The following ANKS1B variants were observed in gnomAD, a reference collection of about 807,000 sequenced individuals.
The protein encoded by ANKS1B is ankyrin repeat and sterile alpha motif domain-containing protein 1B.
Under a neutral mutation model 148.3 loss-of-function variants are expected in ANKS1B, and 36 were observed. That is an observed-to-expected ratio of 0.24 (90% CI 0.19 to 0.32). The LOEUF is 0.32. Ranked by LOEUF, ANKS1B falls within the 10% of genes least tolerant of loss-of-function variation. The pLI, the probability that ANKS1B is intolerant of heterozygous loss-of-function variation, is 1.00. For synonymous variants in ANKS1B, 542 were observed against 560.8 expected (o/e 0.97, Z 0.47); for missense variants, 1,157 against 1,542.6 (o/e 0.75, Z 4.19).
chr12:99,415,450 G>T (rs1314711547), intron 11 of ANKS1B, among the ~76,000 whole-genome samples: 1 of 152,096 alleles, frequency 6.6e-6, no homozygotes, highest in East Asian at 1.9e-4. Context: ...CTGTGTGGGT[G>T]AAAGAAAGAC....
intron 1 of ANKS1B, among the ~76,000 whole-genome samples, chr12:99,873,484 T>C (rs1389415110): frequency 6.6e-6 from 1 of 152,306 alleles, no homozygotes; most frequent in East Asian, 1.9e-4. Context: ...CTTTGTTTAC[T>C]GCTTAAAGAC....
At chr12:99,434,192 C>T (rs112132655) in intron 11 of ANKS1B, among the ~76,000 whole-genome samples, 460 of 152,148 alleles carry the variant, frequency 3.0e-3, no homozygotes, top group Middle Eastern at 0.01. Context: ...ATTGACTGCA[C>T]CCTGTGCTGT....
At chr12:99,399,089 C>T (rs548616064) in intron 12 of ANKS1B, among the ~76,000 whole-genome samples, 1 of 152,190 alleles carries the variant, frequency 6.6e-6, no homozygotes, top group Admixed American at 6.6e-5. Context: ...ATAAAGAAAG[C>T]TTTGCAAATC....
At chr12:99,950,798 T>C (rs2095200621) in intron 1 of ANKS1B, among the ~76,000 whole-genome samples, 1 of 152,148 alleles carries the variant, frequency 6.6e-6, no homozygotes, top group African/African-American at 2.4e-5. Context: ...TAGTGAACAG[T>C]TGCTTTTCTG....
intron 1 of ANKS1B, among the ~76,000 whole-genome samples, chr12:99,897,468 G>C (rs1021683846): frequency 6.6e-6 from 1 of 151,146 alleles, no homozygotes. Context: ...TACCTAATCA[G>C]CCTAATTACT....
chr12:99,244,513 T>C (rs943210613), intron 13 of ANKS1B, 99 bp from the exon 14 acceptor site: 8 of 706,870 alleles, frequency 1.1e-5, no homozygotes, highest in Non-Finnish European at 1.8e-5. Context: ...ATTTTTGATG[T>C]TATTACCACA....
chr12:99,793,778 A>G (rs1187662623), intron 4 of ANKS1B, among the ~76,000 whole-genome samples: 1 of 152,108 alleles, frequency 6.6e-6, no homozygotes, highest in Non-Finnish European at 1.5e-5. Context: ...TTTCTTGAGT[A>G]ATACCCCACA....
At chr12:99,941,791 A>G (rs940903687) in intron 1 of ANKS1B, among the ~76,000 whole-genome samples, 3 of 152,196 alleles carry the variant, frequency 2.0e-5, no homozygotes, top group African/African-American at 7.2e-5. Context: ...CCCTTTCAGA[A>G]TAACACAATA....
chr12:99,592,661 A>G (rs112183991), intron 9 of ANKS1B, among the ~76,000 whole-genome samples: 7,011 of 152,190 alleles, frequency 0.046, 470 homozygotes, highest in African/African-American at 0.15. Context: ...AGACTATGAA[A>G]GTTTTTTCAA....
At chr12:98,953,552 T>G (rs1345204923) in intron 17 of ANKS1B, among the ~76,000 whole-genome samples, 6 of 140,548 alleles carry the variant, frequency 4.3e-5, no homozygotes, top group Admixed American at 2.8e-4. Flanking sequence ...TTTTTTTTTT[T>G]TTTTTTTTTT....
intron 10 of ANKS1B, among the ~76,000 whole-genome samples, chr12:99,487,135 T>C (rs1036195142): frequency 1.2e-4 from 18 of 152,232 alleles, no homozygotes; most frequent in Non-Finnish European, 2.5e-4. Flanking sequence ...AAAGATCTGG[T>C]GCTCAAGGCC....
chr12:99,930,803 G>A (rs1296397134), intron 1 of ANKS1B, among the ~76,000 whole-genome samples: 5 of 152,082 alleles, frequency 3.3e-5, no homozygotes, highest in African/African-American at 9.7e-5. Context: ...CAGGGATCTA[G>A]AACTAGAAGT....
intron 17 of ANKS1B, among the ~76,000 whole-genome samples, chr12:98,883,339 G>C (rs1442724154): frequency 6.6e-6 from 1 of 152,230 alleles, no homozygotes; most frequent in Non-Finnish European, 1.5e-5. Flanking sequence ...CATATGGCCA[G>C]TCTTCAGGCC....
chr12:99,848,818 T>TAAA, intron 1 of ANKS1B, among the ~76,000 whole-genome samples: 1 of 149,250 alleles, frequency 6.7e-6, no homozygotes, highest in South Asian at 2.1e-4. Flanking sequence ...GGATTGCATT[T>TAAA]AAAAAAAAAA....
intron 7 of ANKS1B, among the ~76,000 whole-genome samples, chr12:99,773,974 T>C (rs1179879116): frequency 6.6e-6 from 1 of 152,094 alleles, no homozygotes; most frequent in African/African-American, 2.4e-5. Context: ...ATATGACCCT[T>C]ATCTCATCCC....
At chr12:98,760,561 GC>G (rs1486943114) in intron 25 of ANKS1B, among the ~76,000 whole-genome samples, 3 of 152,170 alleles carry the variant, frequency 2.0e-5, no homozygotes, top group African/African-American at 7.2e-5. Flanking sequence ...CTACTTTCCA[GC>G]AAAATCTGGA....
At chr12:99,775,418 A>G in intron 7 of ANKS1B, 130 bp downstream of exon 7, 2 of 506,294 alleles carry the variant, frequency 4.0e-6, no homozygotes, top group East Asian at 5.8e-5. Flanking sequence ...GAGAAGCCCT[A>G]ATCAGTAACA....
At chr12:99,844,371 A>G (rs2373118) in intron 1 of ANKS1B, among the ~76,000 whole-genome samples, 94,914 of 151,988 alleles carry the variant, frequency 0.62, 31,299 homozygotes, top group African/African-American at 0.79. Flanking sequence ...TTCTAGTTTT[A>G]GGCTCTACAT....
intron 3 of ANKS1B, among the ~76,000 whole-genome samples, chr12:99,811,065 A>T (rs1304216513): frequency 1.3e-5 from 2 of 151,954 alleles, no homozygotes; most frequent in South Asian, 2.1e-4. Flanking sequence ...AAACATGGAA[A>T]TTTTTATTGT....
Sources: allele counts gnomAD v4.1 joint callset (sites outside exome capture counted in the v4.1 genomes callset), GRCh38; gene constraint gnomAD v4.1.1; transcripts MANE v1.5; gene names NCBI Gene and HGNC (gene_info 2026-07-23, HGNC 2026-07-21).